Variants in FGF12 observed in about 807,000 individuals in gnomAD.
FGF12 encodes fibroblast growth factor 12B.
A neutral mutation model predicts 23.6 loss-of-function variants in FGF12; 14 were observed. That is an observed-to-expected ratio of 0.59 (90% confidence interval 0.39 to 0.93). The LOEUF (loss-of-function observed/expected upper bound fraction) is 0.93, where lower values mean the gene tolerates loss of function less well. FGF12 is among the 40% of genes least tolerant of loss of function. The pLI is 0.00. For synonymous variants in FGF12, 62 were observed against 77.3 expected (o/e 0.80, Z 1.04); for missense variants, 175 against 217.8 (o/e 0.80, Z 1.24).
intron 2 of FGF12, among the ~76,000 whole-genome samples, chr3:192,658,348 T>C (rs6798763): frequency 0.6 from 91,074 of 151,550 alleles, 27,702 homozygotes; most frequent in East Asian, 0.67. Flanking sequence ...CTGTAGCTCA[T>C]CACTTGCCTC....
chr3:192,221,824 T>A (rs1454215272), intron 4 of FGF12, among the ~76,000 whole-genome samples: 1 of 152,056 alleles, frequency 6.6e-6, no homozygotes, highest in Non-Finnish European at 1.5e-5. Context: ...ACTGGCAGTG[T>A]AAAGGTAGAA....
intron 4 of FGF12, among the ~76,000 whole-genome samples, chr3:192,330,100 C>T (rs1717029712): frequency 6.6e-6 from 1 of 152,042 alleles, no homozygotes. Flanking sequence ...CAAAAGAAAT[C>T]CCATGTTTAT....
At chr3:192,590,217 A>T (rs968551926) in intron 2 of FGF12, among the ~76,000 whole-genome samples, 3 of 151,952 alleles carry the variant, frequency 2.0e-5, no homozygotes, top group African/African-American at 7.2e-5. Flanking sequence ...TTCATTCTAG[A>T]ACCAGTATAT....
At chr3:192,564,889 G>C (rs949303946) in intron 2 of FGF12, among the ~76,000 whole-genome samples, 4 of 152,320 alleles carry the variant, frequency 2.6e-5, no homozygotes, top group East Asian at 1.9e-4. Flanking sequence ...AATTGCATTG[G>C]TTCTAATCTA....
chr3:192,458,307 C>T (rs111441488), intron 2 of FGF12, among the ~76,000 whole-genome samples: 7,290 of 152,084 alleles, frequency 0.048, 606 homozygotes, highest in African/African-American at 0.17. Flanking sequence ...GCAGATCTAC[C>T]GACAGCTTGC....
intron 4 of FGF12, among the ~76,000 whole-genome samples, chr3:192,246,332 T>C (rs1011735940): frequency 7.9e-5 from 12 of 152,066 alleles, no homozygotes; most frequent in African/African-American, 2.7e-4. Context: ...TTAACATAAG[T>C]GGAGTAAATA....
At chr3:192,394,972 C>T (rs1243434545) in intron 2 of FGF12, among the ~76,000 whole-genome samples, 1 of 152,180 alleles carries the variant, frequency 6.6e-6, no homozygotes, top group Non-Finnish European at 1.5e-5. Flanking sequence ...AATATGTTCC[C>T]TCAAGGGTAT....
chr3:192,288,504 C>T (rs565972214), intron 4 of FGF12, among the ~76,000 whole-genome samples: 6 of 151,838 alleles, frequency 4.0e-5, no homozygotes, highest in African/African-American at 1.5e-4. Context: ...TAGCTGATAT[C>T]CAGATGAAAT....
chr3:192,146,181 T>G (rs1713694145), intron 5 of FGF12, among the ~76,000 whole-genome samples: 1 of 152,172 alleles, frequency 6.6e-6, no homozygotes, highest in South Asian at 2.1e-4. Flanking sequence ...AAATCTCCTT[T>G]TTCAAAAATA....
chr3:192,636,384 G>A (rs1225273808), intron 2 of FGF12, among the ~76,000 whole-genome samples: 1 of 152,188 alleles, frequency 6.6e-6, no homozygotes, highest in East Asian at 1.9e-4. Flanking sequence ...ATATTAGACA[G>A]CCCAGACAGA....
intron 2 of FGF12, among the ~76,000 whole-genome samples, chr3:192,557,122 C>G (rs1441931280): frequency 6.6e-6 from 1 of 151,522 alleles, no homozygotes; most frequent in Non-Finnish European, 1.5e-5. Context: ...AAATAAAAAC[C>G]TTAATGGTAT....
At chr3:192,708,150 G>A (rs147791491) in intron 2 of FGF12, among the ~76,000 whole-genome samples, 2,161 of 151,958 alleles carry the variant, frequency 0.014, 139 homozygotes, top group Admixed American at 0.11. Flanking sequence ...TAGTAGAGAC[G>A]GGATTTCACC....
intron 2 of FGF12, among the ~76,000 whole-genome samples, chr3:192,710,644 CA>C (rs1420367320): frequency 1.3e-5 from 2 of 152,144 alleles, no homozygotes; most frequent in East Asian, 3.9e-4. Context: ...GTAAATTATG[CA>C]AAAATGGTGG....
At position 192,594,851 on chromosome 3, in the gene FGF12, A is replaced by T. The variant is rs573563975; in HGVS notation, c.13+132330T>A. Among the ~76,000 whole-genome samples the T allele has an allele frequency of 3.9e-5, 6 of 152,036 alleles. No homozygotes were observed. The South Asian group carries it at 8.4e-4, about 21-fold the overall frequency. ...TTGTTTATAAATTGCCGAATCTGTG[A>T]TATTCTGTTACAGCAATAGAAAATG... is the stretch of plus-strand genomic sequence containing the variant. On this transcript the variant is annotated intron_variant, in intron 2 of 5. Coordinates refer to ENST00000445105, the MANE Select transcript of FGF12 (RefSeq NM_004113.6).
chr3:192,350,461 C>G (rs940412344), intron 3 of FGF12, among the ~76,000 whole-genome samples: 12 of 152,046 alleles, frequency 7.9e-5, no homozygotes, highest in African/African-American at 2.9e-4. Flanking sequence ...AAACAAAATT[C>G]AAGTAGGCAA....
intron 2 of FGF12, among the ~76,000 whole-genome samples, chr3:192,590,956 C>T (rs999918866): frequency 2.0e-5 from 3 of 151,778 alleles, no homozygotes; most frequent in Admixed American, 6.6e-5. Context: ...TCTCTCTCTC[C>T]CTCTTCCTCC....
At chr3:192,479,870 T>G (rs1341471773) in intron 2 of FGF12, among the ~76,000 whole-genome samples, 1 of 152,158 alleles carries the variant, frequency 6.6e-6, no homozygotes, top group African/African-American at 2.4e-5. Context: ...ATGAAGACCC[T>G]ATAAACACTA....
chr3:192,160,504 C>T (rs745871303), intron 5 of FGF12, among the ~76,000 whole-genome samples: 1 of 152,128 alleles, frequency 6.6e-6, no homozygotes, highest in Non-Finnish European at 1.5e-5. Context: ...ACATCATTTA[C>T]GTCATCTTCT....
chr3:192,213,430 T>G (rs1333506179), intron 4 of FGF12, among the ~76,000 whole-genome samples: 2 of 152,220 alleles, frequency 1.3e-5, no homozygotes, highest in African/African-American at 4.8e-5. Context: ...CTCTTTAAAT[T>G]GATAAATGCT....
Sources: allele counts gnomAD v4.1 joint callset (sites outside exome capture counted in the v4.1 genomes callset), GRCh38; gene constraint gnomAD v4.1.1; transcripts MANE v1.5; gene names NCBI Gene and HGNC (gene_info 2026-07-23, HGNC 2026-07-21).